ROBO2: variants seen among roughly 807,000 people sequenced by gnomAD.
ROBO2 encodes roundabout guidance receptor 2.
A neutral mutation model predicts 160.8 loss-of-function variants in ROBO2; 53 were observed. The observed-to-expected ratio is 0.33, with a 90% confidence interval of 0.26 to 0.41. The LOEUF (loss-of-function observed/expected upper bound fraction) is 0.41, where lower values mean the gene tolerates loss of function less well. Among genes scored for constraint, ROBO2 ranks in the 10% least tolerant of loss-of-function variants. The pLI, the probability that ROBO2 is intolerant of heterozygous loss-of-function variation, is 1.00. For missense variants in ROBO2, 1,577 were observed against 1,722.4 expected, an observed-to-expected ratio of 0.92 and a Z score of 1.49; for synonymous variants, 664 against 611.7, an observed-to-expected ratio of 1.09 and a Z score of -1.26.
At chr3:76,235,086 G>A (rs1241324367) in intron 2 of ROBO2, among the ~76,000 whole-genome samples, 3 of 152,164 alleles carry the variant, frequency 2.0e-5, no homozygotes, top group Non-Finnish European at 4.4e-5. Flanking sequence ...GTAAGTTGTA[G>A]TGAGTGGACT....
At chr3:77,277,169 T>TTTCTTTCTTTC (rs1553882893) in intron 2 of ROBO2, among the ~76,000 whole-genome samples, 204 of 95,318 alleles carry the variant, frequency 2.1e-3, no homozygotes, top group African/African-American at 7.7e-3. Context: ...TCTTTCTTTC[T>TTTCTTTCTTTC]TTCTTTCTTT....
chr3:76,301,561 G>C (rs1350252809), intron 2 of ROBO2, among the ~76,000 whole-genome samples: 1 of 152,026 alleles, frequency 6.6e-6, no homozygotes, highest in Non-Finnish European at 1.5e-5. Context: ...TCATGTACTT[G>C]ATCTCATTAC....
intron 2 of ROBO2, among the ~76,000 whole-genome samples, chr3:77,437,867 TC>T (rs2079464311): frequency 6.6e-6 from 1 of 151,958 alleles, no homozygotes; most frequent in Non-Finnish European, 1.5e-5. Flanking sequence ...TTCCTTAATA[TC>T]CAGATGCAAG....
chr3:76,160,941 T>C (rs748997385), intron 2 of ROBO2, among the ~76,000 whole-genome samples: 8 of 152,204 alleles, frequency 5.3e-5, no homozygotes, highest in Non-Finnish European at 8.8e-5. Flanking sequence ...GTAAAGATTC[T>C]GACATGTTAC....
intron 2 of ROBO2, among the ~76,000 whole-genome samples, chr3:76,876,122 T>C (rs1222188908): frequency 6.6e-6 from 1 of 152,200 alleles, no homozygotes; most frequent in East Asian, 1.9e-4. Flanking sequence ...ATCTTTTGGG[T>C]ACCTTTATTT....
intron 2 of ROBO2, among the ~76,000 whole-genome samples, chr3:77,125,995 G>C (rs548517774): frequency 1.3e-5 from 2 of 152,114 alleles, no homozygotes; most frequent in Admixed American, 6.5e-5. Flanking sequence ...CATTTATTCA[G>C]CTCCCAGCGA....
intron 2 of ROBO2, among the ~76,000 whole-genome samples, chr3:77,180,933 A>G (rs918356162): frequency 1.3e-5 from 2 of 152,066 alleles, no homozygotes; most frequent in Admixed American, 6.6e-5. Context: ...TGATTTTTGA[A>G]AAAGAGTTAC....
At chr3:77,307,503 A>G (rs2063191830) in intron 2 of ROBO2, among the ~76,000 whole-genome samples, 1 of 152,166 alleles carries the variant, frequency 6.6e-6, no homozygotes, top group African/African-American at 2.4e-5. Context: ...TCAACAGTCT[A>G]CTGACAGCCT....
intron 2 of ROBO2, among the ~76,000 whole-genome samples, chr3:76,757,516 TGACTTG>T (rs2061043903): frequency 6.6e-6 from 1 of 151,840 alleles, no homozygotes; most frequent in African/African-American, 2.4e-5. Flanking sequence ...GGCCCTGACC[TGACTTG>T]GACTTCTCAG....
intron 2 of ROBO2, among the ~76,000 whole-genome samples, chr3:77,343,649 G>C (rs2067309660): frequency 6.6e-6 from 1 of 152,150 alleles, no homozygotes; most frequent in African/African-American, 2.4e-5. Flanking sequence ...AGAGCAATGT[G>C]TCAAGTGCTT....
At chr3:75,937,392 T>G (rs1011299962) in intron 1 of ROBO2, 17 of 572,746 alleles carry the variant, frequency 3.0e-5, no homozygotes, top group Non-Finnish European at 4.2e-5. Flanking sequence ...AAATGCACAA[T>G]GCATATTAGA....
rs949214118 is a variant in ROBO2, at chr3:77,167,447, G to A, written c.388+69107G>A. Among the ~76,000 whole-genome samples, 4 of 152,142 alleles carry A rather than the reference G, an allele frequency of 2.6e-5. No homozygotes were observed. The East Asian group carries it at 7.8e-4, about 29-fold the overall frequency. ...AAGACCTAGGTGGCCTCACTGCTAG[G>A]TATACTCTCTTTATTCACTTTATCT... On this transcript the variant is annotated intron_variant, in intron 2 of 25. Coordinates refer to ENST00000461745, the Ensembl canonical transcript of ROBO2.
intron 2 of ROBO2, among the ~76,000 whole-genome samples, chr3:76,079,453 ATTTAT>A (rs971658736): frequency 1.4e-5 from 2 of 147,862 alleles, no homozygotes; most frequent in Non-Finnish European, 3.0e-5. Context: ...AACATTGAAA[ATTTAT>A]TTATTTATTT....
intron 2 of ROBO2, among the ~76,000 whole-genome samples, chr3:76,965,754 T>G: frequency 7.0e-6 from 1 of 142,648 alleles, no homozygotes; most frequent in Non-Finnish European, 1.5e-5. Flanking sequence ...ATTCAAAAGG[T>G]AGTTGCTATA....
intron 2 of ROBO2, among the ~76,000 whole-genome samples, chr3:76,136,505 G>A (rs529528921): frequency 5.0e-4 from 76 of 152,204 alleles, no homozygotes; most frequent in African/African-American, 1.8e-3. Context: ...AAGCTTGGAA[G>A]TGTGATAAGG....
In ROBO2 at chr3:77,514,080, A is replaced by G. The variant is rs200531280; in HGVS notation, c.807-8695A>G. Among the ~76,000 whole-genome samples the G allele has an allele frequency of 4.6e-5, 7 of 151,820 alleles. No homozygotes were observed. The East Asian group carries it at 1.4e-3, about 30-fold the overall frequency. On this transcript the variant is annotated intron_variant, in intron 5 of 25. Transcript: ENST00000461745. ...TTTTTCTTGGTTTTAATTACAGCCA[A>G]TGATACCTTCTACATTGACACTGAT...
exon 3 of ROBO2, chr3:77,477,444 C>A (rs766810941): frequency 6.2e-7 from 1 of 1,613,928 alleles, no homozygotes; most frequent in South Asian, 1.1e-5. Context: ...CAAAACCCCA[C>A]AGATGTTGTA....
intron 2 of ROBO2, among the ~76,000 whole-genome samples, chr3:76,111,368 C>A (rs2070222374): frequency 6.6e-6 from 1 of 151,944 alleles, no homozygotes; most frequent in Non-Finnish European, 1.5e-5. Context: ...TGGAGCATTG[C>A]CTTGTTGATA....
At chr3:76,243,002 C>A (rs1705389393) in intron 2 of ROBO2, among the ~76,000 whole-genome samples, 1 of 152,166 alleles carries the variant, frequency 6.6e-6, no homozygotes. Flanking sequence ...ATGGACGATT[C>A]CCCCGCTTCT....
Sources: allele counts gnomAD v4.1 joint callset (sites outside exome capture counted in the v4.1 genomes callset), GRCh38; gene constraint gnomAD v4.1.1; transcripts MANE v1.5; gene names NCBI Gene and HGNC (gene_info 2026-07-23, HGNC 2026-07-21).